The following KIAA1217 variants were observed in gnomAD, a reference collection of about 807,000 sequenced individuals.
KIAA1217 encodes the protein KIAA1217.
In KIAA1217, 88 loss-of-function variants were observed where a neutral mutation model predicts 163.9. The ratio of observed to expected loss-of-function variants is 0.54; its 90% CI spans 0.45 to 0.64. KIAA1217 has a LOEUF of 0.64. Ranked by LOEUF, KIAA1217 falls within the 30% of genes least tolerant of loss-of-function variation. The pLI, the probability that KIAA1217 is intolerant of heterozygous loss-of-function variation, is 0.00. For synonymous variants in KIAA1217, 903 were observed against 923.1 expected (o/e 0.98, Z 0.39); for missense variants, 2,372 against 2,475.0 (o/e 0.96, Z 0.88).
At chr10:23,750,588 G>A (rs1052238678) in intron 1 of KIAA1217, among the ~76,000 whole-genome samples, 2 of 151,902 alleles carry the variant, frequency 1.3e-5, no homozygotes, top group Non-Finnish European at 1.5e-5. Flanking sequence ...GCCCCTTTAC[G>A]CCTCTGTCTC....
intron 11 of KIAA1217, among the ~76,000 whole-genome samples, chr10:24,520,685 C>CAA (rs1457773977): frequency 3.4e-4 from 33 of 97,900 alleles, no homozygotes; most frequent in African/African-American, 1.3e-3. Flanking sequence ...TACACACACA[C>CAA]ACAAAAAAAA....
intron 2 of KIAA1217, among the ~76,000 whole-genome samples, chr10:24,307,353 T>C (rs369672870): frequency 2.6e-5 from 4 of 152,194 alleles, no homozygotes; most frequent in Non-Finnish European, 2.9e-5. Context: ...GATGTGGCTG[T>C]GACTGCTATT....
At chr10:23,697,012 C>T (rs546146417) in intron 1 of KIAA1217, among the ~76,000 whole-genome samples, 310 of 152,290 alleles carry the variant, frequency 2.0e-3, no homozygotes, top group African/African-American at 6.5e-3. Context: ...GGTTCATGAA[C>T]GTTCGAAAGT....
intron 3 of KIAA1217, among the ~76,000 whole-genome samples, chr10:24,403,275 G>T (rs958369922): frequency 2.6e-5 from 4 of 151,914 alleles, no homozygotes; most frequent in Admixed American, 1.3e-4. Flanking sequence ...TTTTGCTCTT[G>T]TTGCCCAGGC....
chr10:23,873,687 T>TC (rs1554815986), intron 1 of KIAA1217, among the ~76,000 whole-genome samples: 1,952 of 150,886 alleles, frequency 0.013, 54 homozygotes, highest in African/African-American at 0.045. Flanking sequence ...AAGTTGTCTG[T>TC]TTCTCTCTCT....
intron 1 of KIAA1217, among the ~76,000 whole-genome samples, chr10:23,855,782 C>T (rs1475583156): frequency 1.3e-5 from 2 of 152,104 alleles, no homozygotes; most frequent in African/African-American, 2.4e-5. Flanking sequence ...TCACTGATAC[C>T]CTTTCTTCCA....
intron 16 of KIAA1217, among the ~76,000 whole-genome samples, chr10:24,534,001 C>G (rs1388531450): frequency 6.6e-6 from 1 of 152,102 alleles, no homozygotes; most frequent in Non-Finnish European, 1.5e-5. Flanking sequence ...TTTCATTTGC[C>G]TCATGCTTCT....
chr10:23,742,554 G>T (rs780339685), intron 1 of KIAA1217, among the ~76,000 whole-genome samples: 1 of 152,130 alleles, frequency 6.6e-6, no homozygotes, highest in African/African-American at 2.4e-5. Flanking sequence ...ATCACATGGC[G>T]AAAGCAGAAG....
intron 13 of KIAA1217, among the ~76,000 whole-genome samples, chr10:24,526,862 G>A (rs754119285): frequency 1.3e-5 from 2 of 152,160 alleles, no homozygotes; most frequent in African/African-American, 2.4e-5. Flanking sequence ...GGTTAGAATG[G>A]TGAAGGTGGT....
Position 24,533,017 on chromosome 10 carries a change from TGCTAGCACC to T in KIAA1217, c.3247-52_3247-44del. The stretch of plus-strand genomic sequence containing the variant: ...GGGACCATACGATCTGTCCCTTTTT[TGCTAGCACC>T]TAGGAGATGTTAAACCACTATCTGT... On this transcript the variant is annotated intron_variant, in intron 15 of 20. Coordinates refer to ENST00000376454, the MANE Select transcript of KIAA1217 (RefSeq NM_019590.5). 8.5e-6 allele frequency: 13 copies of T among 1,527,190 alleles called. No individual in the cohort carries two copies. In the Admixed American group the frequency reaches 9.4e-5, roughly 11 times the overall value. 94.6% of individuals were successfully genotyped at this position (1,527,190 alleles called of 1,614,324 possible).
rs1400240204 is a variant in KIAA1217 at position 23,704,146 on chromosome 10, A to ATGTATGTGTG, written c.-321+8915_-321+8916insATGTGTGTGT. The stretch of plus-strand genomic sequence containing the variant: ...CATATATGCATGTATGTGTGTGTGT[A>ATGTATGTGTG]TGTGTGTGTGTGTGTGTGTGTGTGT... On this transcript the variant is annotated intron_variant, in intron 1 of 18. Transcript: ENST00000376462. Among the ~76,000 whole-genome samples, 584 of 64,504 alleles carry ATGTATGTGTG rather than the reference A, an allele frequency of 9.1e-3. 39 individuals carry two copies. Among genetic ancestry groups the ATGTATGTGTG allele is most frequent in the South Asian group, 0.018 (28 of 1,552 alleles). The allele number at this position is 64,504 out of a possible 152,430, so 42.3% of individuals were successfully genotyped here.
At chr10:24,198,341 G>A (rs944689734) in intron 2 of KIAA1217, among the ~76,000 whole-genome samples, 2 of 152,192 alleles carry the variant, frequency 1.3e-5, no homozygotes, top group African/African-American at 4.8e-5. Context: ...GGGCGTGGTG[G>A]CTCATGCCTG....
At chr10:24,322,324 T>C (rs1353374611) in intron 2 of KIAA1217, among the ~76,000 whole-genome samples, 1 of 152,144 alleles carries the variant, frequency 6.6e-6, no homozygotes, top group Non-Finnish European at 1.5e-5. Context: ...TTCCAGTTAG[T>C]CAGCAGTAGC....
chr10:23,869,665 C>T (rs756489393), intron 1 of KIAA1217, among the ~76,000 whole-genome samples: 8 of 152,082 alleles, frequency 5.3e-5, no homozygotes, highest in African/African-American at 9.7e-5. Flanking sequence ...ACCATCTCAC[C>T]TTCTGAGGTA....
intron 1 of KIAA1217, among the ~76,000 whole-genome samples, chr10:24,214,918 C>T (rs1422707502): frequency 2.0e-5 from 3 of 152,230 alleles, no homozygotes; most frequent in Non-Finnish European, 2.9e-5. Context: ...AAATCCCTTG[C>T]TGCAGGTCAG....
At chr10:24,425,135 C>T (rs1197229458) in intron 3 of KIAA1217, among the ~76,000 whole-genome samples, 4 of 152,074 alleles carry the variant, frequency 2.6e-5, no homozygotes, top group Non-Finnish European at 4.4e-5. Flanking sequence ...CTGGCCAGTC[C>T]GTTTAGCGAT....
chr10:23,973,477 A>G (rs1460695252), intron 1 of KIAA1217, among the ~76,000 whole-genome samples: 2 of 152,250 alleles, frequency 1.3e-5, no homozygotes, highest in Non-Finnish European at 2.9e-5. Flanking sequence ...TAAAACCCAA[A>G]GATAGATTAC....
chr10:24,390,100 A>G (rs61521311), intron 3 of KIAA1217, among the ~76,000 whole-genome samples: 78,480 of 152,014 alleles, frequency 0.52, 22,825 homozygotes, highest in African/African-American at 0.8. Flanking sequence ...GCCATTTAAT[A>G]AATCCATTTT....
chr10:23,712,924 G>A (rs1484376915), intron 1 of KIAA1217, among the ~76,000 whole-genome samples: 1 of 152,092 alleles, frequency 6.6e-6, no homozygotes, highest in Non-Finnish European at 1.5e-5. Context: ...TAAGAAGACA[G>A]AATTGCTTCT....
Sources: gnomAD v4.1 joint callset for allele counts (sites outside exome capture counted in the v4.1 genomes callset) on GRCh38, gnomAD v4.1.1 for gene constraint, MANE v1.5 for transcripts, NCBI Gene and HGNC (gene_info 2026-07-23, HGNC 2026-07-21) for gene names.